The following PSMA8 variants were observed in gnomAD, a reference collection of about 807,000 sequenced individuals.
PSMA8 encodes proteasome subunit alpha-type 8.
In PSMA8, 18 loss-of-function variants were observed where a neutral mutation model predicts 32.4. The observed-to-expected ratio is 0.56, with a 90% confidence interval of 0.38 to 0.82. The LOEUF is 0.82. PSMA8 is among the 40% of genes least tolerant of loss of function. The pLI, the probability that PSMA8 is intolerant of heterozygous loss-of-function variation, is 0.00. For missense variants in PSMA8, 298 were observed against 300.7 expected (o/e 0.99, Z 0.07); for synonymous variants, 104 against 98.1 (o/e 1.06, Z -0.36).
chr18:26,177,653 A>G (rs1275233180), intron 4 of PSMA8, among the ~76,000 whole-genome samples: 1 of 152,238 alleles, frequency 6.6e-6, no homozygotes, highest in African/African-American at 2.4e-5. Flanking sequence ...TTTTTCCTTC[A>G]TCTGATGAAA....
In PSMA8 at chr18:26,154,655, C is replaced by G. The variant is rs180926511; in HGVS notation, c.354+2673C>G. On this transcript the variant is annotated intron_variant, in intron 3 of 6. Coordinates refer to ENST00000415576, the MANE Select transcript of PSMA8 (RefSeq NM_001025096.2). ...TTTGAGATGGAGTCTCACTCTGTCACCAGGCTGGAGTGCAGTGGTGCAATC... is the reference window on the plus strand; with the variant it reads ...TTTGAGATGGAGTCTCACTCTGTCAGCAGGCTGGAGTGCAGTGGTGCAATC... Among the ~76,000 whole-genome samples, 10 of 152,244 alleles carry G rather than the reference C, an allele frequency of 6.6e-5. No homozygotes were observed. The East Asian group carries it at 1.9e-3, about 29-fold the overall frequency.
chr18:26,192,438 T>TA lies in PSMA8; in HGVS notation c.*29dup. The stretch of plus-strand genomic sequence containing the variant: ...TCTTAGGATGACCACTGGGAGGTCT[T>TA]AATGTTTTGTTTTATTGTACTGCCT... On this transcript the variant is annotated 3_prime_UTR_variant, in exon 7 of 7. Coordinates refer to ENST00000415576, the MANE Select transcript of PSMA8 (RefSeq NM_001025096.2). 2 of 1,513,426 alleles carry TA rather than the reference T, an allele frequency of 1.3e-6. No individual in the cohort carries two copies. The highest frequency in any genetic ancestry group is 1.7e-6 in the Non-Finnish European group (2 of 1,143,230). 93.7% of individuals were successfully genotyped at this position (1,513,426 alleles called of 1,614,324 possible). A position where few individuals can be genotyped will look rare whatever the true frequency, so the allele number is the denominator to read the frequency against.
intron 4 of PSMA8, among the ~76,000 whole-genome samples, chr18:26,174,424 A>G (rs1375365579): frequency 2.0e-5 from 3 of 152,366 alleles, no homozygotes; most frequent in East Asian, 3.9e-4. Flanking sequence ...TTTTATATTC[A>G]AAACTTTGTT....
chr18:26,138,586 TTTC>T lies in PSMA8; in HGVS notation c.102+4531_102+4533del, dbSNP rs149096567. On this transcript the variant is annotated intron_variant, in intron 1 of 6. Coordinates refer to ENST00000415576, the MANE Select transcript of PSMA8 (RefSeq NM_001025096.2). ...AAGGAATGCCACATTCAGACTTTAT[TTTC>T]TTCTTCTTCTTTTTTGGTCTTCATT... is the stretch of plus-strand genomic sequence containing the variant. Among the ~76,000 whole-genome samples, 774 of 152,340 alleles carry T rather than the reference TTTC, an allele frequency of 5.1e-3. 4 individuals carry two copies. The highest frequency in any genetic ancestry group is 0.02 in the Middle Eastern group (6 of 294).
At chr18:26,144,343 T>C (rs1324663106) in intron 1 of PSMA8, among the ~76,000 whole-genome samples, 3 of 152,192 alleles carry the variant, frequency 2.0e-5, no homozygotes, top group Non-Finnish European at 4.4e-5. Context: ...TGGTATTTTC[T>C]TTGCAATTTC....
rs1244780836 is a variant in PSMA8 at position 26,151,866 on chromosome 18, G to C, written c.238G>C (p.Ala80Pro). Residue 80 changes from alanine (A) to proline (P), a missense_variant, in exon 3 of 7, where the codon GCT (alanine) becomes CCT (proline). Coordinates refer to ENST00000415576, the MANE Select transcript of PSMA8 (RefSeq NM_001025096.2). Reference sequence around the variant, plus strand: ...TTTGACAATTTTTATAGGACTTACTGCTGATGCTAGAGTAGTAATAAACAG... The same window carrying C: ...TTTGACAATTTTTATAGGACTTACTCCTGATGCTAGAGTAGTAATAAACAG... ...HVCMAFAGLTADARVVINRAR... is the reference protein window; with the variant it reads ...HVCMAFAGLTPDARVVINRAR... 1 of 1,600,416 alleles carries C rather than the reference G, an allele frequency of 6.2e-7. No individual in the cohort carries two copies.
intron 1 of PSMA8, among the ~76,000 whole-genome samples, chr18:26,142,961 T>C (rs1207382946): frequency 6.6e-6 from 1 of 152,220 alleles, no homozygotes; most frequent in Non-Finnish European, 1.5e-5. Context: ...TCCCTCCAAA[T>C]TGTGAAATAC....
At chr18:26,181,290 A>G (rs537882054) in intron 6 of PSMA8, among the ~76,000 whole-genome samples, 1 of 152,328 alleles carries the variant, frequency 6.6e-6, no homozygotes, top group African/African-American at 2.4e-5. Context: ...TTGGAGTGCC[A>G]TGAACTGCAT....
At chr18:26,182,687 A>G (rs2055321146) in intron 6 of PSMA8, among the ~76,000 whole-genome samples, 1 of 152,228 alleles carries the variant, frequency 6.6e-6, no homozygotes, top group South Asian at 2.1e-4. Context: ...AAATATGGCC[A>G]GGCATAGTGG....
chr18:26,160,986 C>T (rs2055130755), intron 4 of PSMA8, among the ~76,000 whole-genome samples: 1 of 152,172 alleles, frequency 6.6e-6, no homozygotes, highest in Non-Finnish European at 1.5e-5. Flanking sequence ...GATACCTCCT[C>T]CCTGGTCCTA....
intron 4 of PSMA8, among the ~76,000 whole-genome samples, chr18:26,173,767 G>A (rs1396406177): frequency 6.6e-6 from 1 of 151,976 alleles, no homozygotes; most frequent in Non-Finnish European, 1.5e-5. Context: ...TGTTGGTCAG[G>A]CTGGTCTCAA....
At chr18:26,171,980 G>A (rs546468695) in intron 4 of PSMA8, among the ~76,000 whole-genome samples, 18 of 152,300 alleles carry the variant, frequency 1.2e-4, no homozygotes, top group South Asian at 8.3e-4. Flanking sequence ...TGGCCTGGTT[G>A]AATGCTGTGA....
chr18:26,140,361 C>T (rs1379812395), intron 1 of PSMA8, among the ~76,000 whole-genome samples: 1 of 152,212 alleles, frequency 6.6e-6, no homozygotes, highest in Non-Finnish European at 1.5e-5. Flanking sequence ...CAGATACCCA[C>T]GTTACTCTCC....
At chr18:26,167,421 A>G (rs1345451725) in intron 4 of PSMA8, among the ~76,000 whole-genome samples, 1 of 152,186 alleles carries the variant, frequency 6.6e-6, no homozygotes, top group East Asian at 1.9e-4. Context: ...CACTCTTCTC[A>G]AAAAAATAGT....
At chr18:26,184,808 C>T (rs1304013830) in intron 6 of PSMA8, among the ~76,000 whole-genome samples, 1 of 147,950 alleles carries the variant, frequency 6.8e-6, no homozygotes, top group Non-Finnish European at 1.5e-5. Flanking sequence ...TTTTGGCAGC[C>T]GGGCACAGTG....
intron 4 of PSMA8, among the ~76,000 whole-genome samples, chr18:26,176,410 G>A (rs1252820943): frequency 6.6e-6 from 1 of 152,032 alleles, no homozygotes; most frequent in Non-Finnish European, 1.5e-5. Flanking sequence ...CAGGCTGAAG[G>A]CTTTACCTTT....
chr18:26,174,559 A>G (rs2055249507), intron 4 of PSMA8, among the ~76,000 whole-genome samples: 1 of 152,218 alleles, frequency 6.6e-6, no homozygotes, highest in Non-Finnish European at 1.5e-5. Flanking sequence ...TACTTAATTT[A>G]AAAGCTATTC....
chr18:26,172,253 A>G lies in PSMA8; in HGVS notation c.478-6577A>G, dbSNP rs148423886. 4.6e-5 allele frequency among the ~76,000 whole-genome samples: 7 copies of G among 152,386 alleles called. No individual in the cohort carries two copies. The East Asian group carries it at 7.7e-4, about 17-fold the overall frequency. On this transcript the variant is annotated intron_variant, in intron 4 of 6. Coordinates refer to ENST00000415576, the MANE Select transcript of PSMA8 (RefSeq NM_001025096.2). ...AGTTCCCAATAATTTTTAAGAGTAT[A>G]AATTGCTGATCTGTAGCAGGGAACA...
chr18:26,158,291 T>C, intron 4 of PSMA8, 47 bp downstream of exon 4: 8 of 1,428,042 alleles, frequency 5.6e-6, no homozygotes, highest in Non-Finnish European at 6.7e-6. Context: ...TAGTAAATAT[T>C]CAATGTAAAT....
Sources: allele counts gnomAD v4.1 joint callset (sites outside exome capture counted in the v4.1 genomes callset), GRCh38; gene constraint gnomAD v4.1.1; transcripts MANE v1.5; gene names NCBI Gene and HGNC (gene_info 2026-07-23, HGNC 2026-07-21).